The following EP400 variants were observed in gnomAD, a reference collection of about 807,000 sequenced individuals.
EP400 encodes E1A-binding protein p400.
A neutral mutation model predicts 354.1 loss-of-function variants in EP400; 105 were observed. The observed-to-expected ratio is 0.30, with a 90% CI of 0.25 to 0.35. EP400 has a LOEUF of 0.35. EP400 is among the 10% of genes least tolerant of loss of function. The pLI, the probability that EP400 is intolerant of heterozygous loss-of-function variation, is 1.00. For missense variants in EP400, 3,280 were observed against 4,121.0 expected (o/e 0.80, Z 5.59); for synonymous variants, 1,646 against 1,716.9 (o/e 0.96, Z 1.02).
rs753350755 is a variant in EP400 at position 132,018,327 on chromosome 12, TCAGCAGCCC to T, written c.4238_4246del (p.Pro1413_Ala1415del). On this transcript the variant is annotated inframe_deletion, in exon 21 of 53. Transcript: ENST00000389561. This position sits in a 1 kb window ranked among gnomAD's most constrained non-coding sequence, Gnocchi z 4.0. ...GAAACTCATGGAGGAAATCTCCACT[TCAGCAGCCC>T]CAGCAGCCCGACCAGCAGCAGCAAA... is the stretch of plus-strand genomic sequence containing the variant. 4 of 1,612,914 alleles carry T rather than the reference TCAGCAGCCC, an allele frequency of 2.5e-6. No individual in the cohort carries two copies. The highest frequency in any genetic ancestry group is 2.7e-5 in the African/African-American group (2 of 74,770).
chr12:132,009,998 A>T (rs868863675), intron 15 of EP400, among the ~76,000 whole-genome samples: 2 of 149,530 alleles, frequency 1.3e-5, no homozygotes, highest in African/African-American at 4.9e-5. Flanking sequence ...TTTCTTTTTT[A>T]TTTATTTATT....
intron 23 of EP400, 38 bp downstream of exon 23, chr12:132,021,359 C>T: frequency 6.8e-7 from 1 of 1,479,234 alleles, no homozygotes; most frequent in Non-Finnish European, 8.9e-7. Context: ...TGCCATCTCT[C>T]TACCCCAGAG....
At chr12:132,064,981 GGAGT>G (rs1895842596) in intron 48 of EP400, 95 bp downstream of exon 48, 1 of 1,497,998 alleles carries the variant, frequency 6.7e-7, no homozygotes, top group Non-Finnish European at 8.9e-7. Context: ...ACGTGTTACA[GGAGT>G]GAGTGTGAGA....
At chr12:132,034,279 C>T (rs1450154630) in intron 30 of EP400, among the ~76,000 whole-genome samples, 1 of 152,116 alleles carries the variant, frequency 6.6e-6, no homozygotes, top group Non-Finnish European at 1.5e-5. Context: ...GGTGCAGGAA[C>T]AGGGCATCTG....
chr12:131,983,791 T>A (rs960296118), intron 5 of EP400, among the ~76,000 whole-genome samples: 3 of 152,220 alleles, frequency 2.0e-5, no homozygotes, highest in Non-Finnish European at 4.4e-5. Flanking sequence ...ATGATCCTCC[T>A]GTCCCTGCCC....
At position 131,982,442 on chromosome 12, in the gene EP400, G is replaced by GC; in HGVS notation, c.1894dup (p.Gln632ProfsTer59). The stretch of plus-strand genomic sequence containing the variant: ...TCCACGTTCCCACACCTGGAAAGGT[G>GC]CAGGTGCAGGCCTCTCAGCTTTCCT... On this transcript the variant is annotated frameshift_variant, in exon 5 of 53. Transcript: ENST00000389561. LOFTEE classifies it high-confidence loss of function. The GC allele has an allele frequency of 6.2e-7, 1 of 1,613,160 alleles. No individual in the cohort carries two copies. Among genetic ancestry groups the GC allele is most frequent in the Non-Finnish European group, 8.5e-7 (1 of 1,179,192 alleles).
Position 131,982,154 on chromosome 12 carries a change from G to A in EP400, c.1605G>A (p.Gln535=). 6.2e-7 allele frequency: 1 copy of A among 1,600,644 alleles called. No individual in the cohort carries two copies. The highest frequency in any genetic ancestry group is 8.5e-7 in the Non-Finnish European group (1 of 1,170,818). ...CTGGACAGAGGCAGAGTCAGCAGCA[G>A]TATGACCCCTCCACGGGGCCTCCCG... The part of the protein sequence containing the change: ...QLAGQRQSQQ[Q]YDPSTGPPVQ... Residue 535 remains glutamine (Q), a synonymous_variant, in exon 5 of 53, where the codon CAG becomes CAA. Transcript: ENST00000389561.
intron 1 of EP400, among the ~76,000 whole-genome samples, chr12:131,956,184 A>T (rs1168915204): frequency 6.6e-6 from 1 of 151,892 alleles, no homozygotes. Flanking sequence ...TGCACCTGAG[A>T]CTCAACTGTG....
intron 19 of EP400, among the ~76,000 whole-genome samples, chr12:132,015,108 G>A (rs777918297): frequency 5.1e-4 from 77 of 152,370 alleles, no homozygotes; most frequent in Non-Finnish European, 9.1e-4. Context: ...TCGAGAGGCA[G>A]GTGCCTGTGA....
chr12:131,982,229 G>T lies in EP400; in HGVS notation c.1680G>T (p.Arg560Ser). ...LHTPLPQLPG[R>S]LPPAGVPTAA... ...CCCCACTGCCGCAGCTGCCCGGGAG[G>T]CTGCCCCCAGCCGGTGTTCCCACTG... Residue 560 changes from arginine (R) to serine (S), a missense_variant, in exon 5 of 53, where the codon AGG becomes AGT. This residue lies in a region of EP400 where 800 missense variants were observed against 840.0 expected (regional missense o/e 0.95). Coordinates refer to ENST00000389561, the MANE Select transcript of EP400 (RefSeq NM_015409.5). 1.2e-6 allele frequency: 2 copies of T among 1,614,020 alleles called. No individual in the cohort carries two copies. Among genetic ancestry groups the T allele is most frequent in the Non-Finnish European group, 1.7e-6 (2 of 1,179,972 alleles).
chr12:132,063,650 T>C (rs1895783103), intron 47 of EP400, among the ~76,000 whole-genome samples: 1 of 152,110 alleles, frequency 6.6e-6, no homozygotes, highest in Non-Finnish European at 1.5e-5. Context: ...AGTGCTTGAG[T>C]CTGGGCCTCT....
Position 132,064,760 on chromosome 12 carries a change from CCAAGTG to C in EP400, c.8436_8441del (p.Val2813_Gln2814del), listed in dbSNP as rs773643118. On this transcript the variant is annotated inframe_deletion, in exon 48 of 53. Coordinates refer to ENST00000389561, the MANE Select transcript of EP400 (RefSeq NM_015409.5). Reference sequence around the variant, plus strand: ...AGTCTGCGCCCCCGCAGCCAACAGCCCAAGTGCAAGTGCAGACCTCGCAGCCGCCGC... The same window carrying C: ...AGTCTGCGCCCCCGCAGCCAACAGCCCAAGTGCAGACCTCGCAGCCGCCGC... 4.3e-6 allele frequency: 7 copies of C among 1,613,612 alleles called. No homozygotes were observed. In the African/African-American group the frequency reaches 9.3e-5, roughly 22 times the overall value.
In EP400 at chr12:131,949,965, C is replaced by T. The variant is rs1383167134; in HGVS notation, c.-107C>T. The T allele has an allele frequency of 6.6e-6, 1 of 151,890 alleles. No homozygotes were observed. The highest frequency in any genetic ancestry group is 2.4e-5 in the African/African-American group (1 of 41,424). 9.4% of individuals were successfully genotyped at this position (151,890 alleles called of 1,614,324 possible). On this transcript the variant is annotated 5_prime_UTR_variant, in exon 1 of 53. Coordinates refer to ENST00000389561, the MANE Select transcript of EP400 (RefSeq NM_015409.5). ...TCCTCCCGCCGGGGCCCCGGATGCA[C>T]TGAGCGGCTGCGGCGCGGCTTCCAT...
chr12:131,977,940 G>A (rs928403335), intron 2 of EP400, among the ~76,000 whole-genome samples: 1 of 152,184 alleles, frequency 6.6e-6, no homozygotes, highest in Non-Finnish European at 1.5e-5. Flanking sequence ...TTAGGTATCT[G>A]TAACTTTTGC....
Position 132,038,018 on chromosome 12 carries a change from T to A in EP400, c.6129T>A (p.Ala2043=), listed in dbSNP as rs1894773614. The A allele has an allele frequency of 1.9e-6, 3 of 1,614,232 alleles. No individual in the cohort carries two copies. In the Middle Eastern group the frequency reaches 4.9e-4, roughly 266 times the overall value. Residue 2043 remains alanine, a synonymous_variant, in exon 32 of 53, where the codon GCT becomes GCA. Coordinates refer to ENST00000389561, the MANE Select transcript of EP400 (RefSeq NM_015409.5). The surrounding 1 kb of genome is among the most constrained non-coding windows in gnomAD (Gnocchi z 4.2). ...PMDDAGFPVK[A]EEFVVLSQEP... ...ATGATGCTGGCTTCCCGGTCAAAGC[T>A]GAGGAGTTTGTGGTGCTTTCTCAGG... is the stretch of plus-strand genomic sequence containing the variant.
At chr12:132,044,599 G>A in intron 35 of EP400, 72 bp from the exon 36 acceptor site, 9 of 1,562,092 alleles carry the variant, frequency 5.8e-6, no homozygotes, top group South Asian at 1.1e-5. Flanking sequence ...TGAGTATGAA[G>A]GTACATGATT....
At chr12:132,036,695 AT>A (rs1350249570) in intron 30 of EP400, among the ~76,000 whole-genome samples, 2 of 152,150 alleles carry the variant, frequency 1.3e-5, no homozygotes, top group African/African-American at 4.8e-5. Context: ...AATCCAGGCG[AT>A]TTTTGTTTTG....
intron 2 of EP400, among the ~76,000 whole-genome samples, chr12:131,974,342 T>C (rs1287076803): frequency 6.6e-6 from 1 of 152,080 alleles, no homozygotes; most frequent in Non-Finnish European, 1.5e-5. Context: ...TCTTGAACTC[T>C]TGGGCTCAAG....
chr12:132,016,381 T>C (rs1893934876), intron 19 of EP400, among the ~76,000 whole-genome samples: 1 of 152,122 alleles, frequency 6.6e-6, no homozygotes, highest in Non-Finnish European at 1.5e-5. Flanking sequence ...TTTTTCCTTT[T>C]TCTTGAGATG....
Sources: allele counts gnomAD v4.1 joint callset (sites outside exome capture counted in the v4.1 genomes callset), GRCh38; gene constraint gnomAD v4.1.1; regional missense constraint gnomAD v4.1.1; non-coding constraint Gnocchi (gnomAD v3.1); transcripts MANE v1.5; gene names NCBI Gene and HGNC (gene_info 2026-07-23, HGNC 2026-07-21).